FNDC1: variants seen among roughly 807,000 people sequenced by gnomAD.
FNDC1 encodes the protein fibronectin type III domain-containing protein 1.
Under a neutral mutation model 168.0 loss-of-function variants are expected in FNDC1, and 96 were observed. That is an observed-to-expected ratio of 0.57 (90% CI 0.48 to 0.68). The LOEUF (loss-of-function observed/expected upper bound fraction) is 0.68. FNDC1 is among the 30% of genes least tolerant of loss of function. FNDC1 has a pLI of 0.00. For synonymous variants in FNDC1, 1,099 were observed against 1,025.9 expected (o/e 1.07, Z -1.36); for missense variants, 2,587 against 2,482.1 (o/e 1.04, Z -0.90).
intron 5 of FNDC1, among the ~76,000 whole-genome samples, chr6:159,219,598 G>A (rs1441474765): frequency 1.3e-5 from 2 of 152,182 alleles, no homozygotes; most frequent in Non-Finnish European, 2.9e-5. Flanking sequence ...GAGACTCAAT[G>A]AAGATGCGCG....
chr6:159,186,426 G>T (rs1782000946), intron 1 of FNDC1, among the ~76,000 whole-genome samples: 2 of 152,178 alleles, frequency 1.3e-5, no homozygotes, highest in Non-Finnish European at 2.9e-5. Flanking sequence ...GGCTTAGTTT[G>T]CCCTCATCGT....
chr6:159,182,566 C>A (rs985584172), intron 1 of FNDC1, among the ~76,000 whole-genome samples: 12 of 152,200 alleles, frequency 7.9e-5, no homozygotes, highest in African/African-American at 2.9e-4. Context: ...GTTAGTGGCA[C>A]TCAGCTGATA....
intron 1 of FNDC1, among the ~76,000 whole-genome samples, chr6:159,191,058 A>G (rs974004628): frequency 1.3e-5 from 2 of 152,228 alleles, no homozygotes; most frequent in African/African-American, 4.8e-5. Flanking sequence ...GGAAGCAAGA[A>G]CGTCTACGAT....
Position 159,185,426 on chromosome 6 carries a change from G to A in FNDC1, c.110-12005G>A, listed in dbSNP as rs1430409160. Among the ~76,000 whole-genome samples, 3 of 152,140 alleles carry A rather than the reference G, an allele frequency of 2.0e-5. No individual in the cohort carries two copies. In the East Asian group the frequency reaches 5.8e-4, roughly 29 times the overall value. On this transcript the variant is annotated intron_variant, in intron 1 of 22. Coordinates refer to ENST00000297267, the MANE Select transcript of FNDC1 (RefSeq NM_032532.3). The stretch of plus-strand genomic sequence containing the variant: ...AGTGATGTTAGGTAGCAGTGGGTTG[G>A]GCTGCAGACAACATGATATCTGATT...
At chr6:159,249,679 T>G (rs1447775542) in intron 16 of FNDC1, among the ~76,000 whole-genome samples, 2 of 152,250 alleles carry the variant, frequency 1.3e-5, no homozygotes, top group Non-Finnish European at 2.9e-5. Context: ...GATCTAGAAA[T>G]TCATTTTACT....
In FNDC1 at chr6:159,267,943, C is replaced by T; in HGVS notation, c.5569+17C>T. 1 of 1,601,184 alleles carries T rather than the reference C, an allele frequency of 6.2e-7. No homozygotes were observed. Among genetic ancestry groups the T allele is most frequent in the Non-Finnish European group, 8.5e-7 (1 of 1,173,196 alleles). ...CTATTCAAGGTAATACAAACAAATG[C>T]CTGATATATTATCCTAGGAGGTGGG... On this transcript the variant is annotated intron_variant, in intron 22 of 22. Transcript: ENST00000297267.
At position 159,233,407 on chromosome 6, in the gene FNDC1, C is replaced by T. The variant is rs1783150445; in HGVS notation, c.2895C>T (p.Pro965=). Residue 965 remains proline, a synonymous_variant, in exon 11 of 23, where the codon CCC becomes CCT. Transcript: ENST00000297267. The surrounding 1 kb of genome is among the most constrained non-coding windows in gnomAD (Gnocchi z 4.6). The part of the protein sequence containing the change: ...STDADTEGHS[P]KAQPGSTDRH... Reference sequence around the variant, plus strand: ...ACGCGGACACGGAGGGTCATTCTCCCAAAGCACAGCCAGGGTCCACAGACC... The same window carrying T: ...ACGCGGACACGGAGGGTCATTCTCCTAAAGCACAGCCAGGGTCCACAGACC... The T allele has an allele frequency of 1.9e-6, 3 of 1,612,856 alleles. No homozygotes were observed. In the African/African-American group the frequency reaches 4.0e-5, roughly 22 times the overall value.
At chr6:159,228,028 A>G (rs894146100) in intron 9 of FNDC1, among the ~76,000 whole-genome samples, 12 of 124,022 alleles carry the variant, frequency 9.7e-5, no homozygotes, top group Non-Finnish European at 1.5e-4. Flanking sequence ...TGAAAATTGA[A>G]TAAAGACTTT....
Position 159,234,394 on chromosome 6 carries a change from G to A in FNDC1, c.3882G>A (p.Pro1294=), listed in dbSNP as rs1783199595. ...CACCTGGCCACTTCTCCACCACCCC[G>A]ATGCTGTCCTTGCGCCAGAGGATGA... The part of the protein sequence containing the change: ...RAPPGHFSTT[P]MLSLRQRMMH... The change falls in exon 11 of 23, where the codon CCG becomes CCA. Residue 1294 remains proline (P), a synonymous_variant. Coordinates refer to ENST00000297267, the MANE Select transcript of FNDC1 (RefSeq NM_032532.3). 1.2e-6 allele frequency: 2 copies of A among 1,613,388 alleles called. No individual in the cohort carries two copies. The highest frequency in any genetic ancestry group is 3.3e-5 in the Admixed American group (2 of 59,984).
intron 17 of FNDC1, 25 bp downstream of exon 17, chr6:159,251,557 T>A (rs372532283): frequency 6.3e-7 from 1 of 1,593,288 alleles, no homozygotes; most frequent in African/African-American, 1.3e-5. Flanking sequence ...GAAATCAGAG[T>A]TCCCATGATC....
At position 159,232,523 on chromosome 6, in the gene FNDC1, T is replaced by TC; in HGVS notation, c.2016dup (p.Ser673GlnfsTer76). On this transcript the variant is annotated frameshift_variant, in exon 11 of 23. Coordinates refer to ENST00000297267, the MANE Select transcript of FNDC1 (RefSeq NM_032532.3). LOFTEE classifies it high-confidence loss of function. This position sits in a 1 kb window ranked among gnomAD's most constrained non-coding sequence, Gnocchi z 4.9. ...CTTCGCCCAGCCCCGGCCAGCCCTGTCCCCCAGCCGCCAGTCCCCGTCCAG... is the reference window on the plus strand; with the variant it reads ...CTTCGCCCAGCCCCGGCCAGCCCTGTCCCCCCAGCCGCCAGTCCCCGTCCAG... 1 of 1,611,064 alleles carries TC rather than the reference T, an allele frequency of 6.2e-7. No individual in the cohort carries two copies.
intron 7 of FNDC1, 32 bp from the exon 8 acceptor site, chr6:159,225,503 T>C: frequency 6.4e-7 from 1 of 1,552,564 alleles, no homozygotes; most frequent in Non-Finnish European, 8.8e-7. Flanking sequence ...GCAGAGAATT[T>C]GGACAGATCA....
intron 14 of FNDC1, among the ~76,000 whole-genome samples, chr6:159,244,507 C>G (rs983009527): frequency 6.6e-6 from 1 of 152,230 alleles, no homozygotes; most frequent in African/African-American, 2.4e-5. Context: ...GCTGGACAGA[C>G]TACTCGAGGT....
intron 4 of FNDC1, among the ~76,000 whole-genome samples, chr6:159,213,300 A>G (rs1206431894): frequency 6.6e-6 from 1 of 152,218 alleles, no homozygotes; most frequent in Non-Finnish European, 1.5e-5. Context: ...CAGACACTGC[A>G]GGCAACAAGC....
chr6:159,250,864 A>G (rs1164929686), intron 16 of FNDC1, among the ~76,000 whole-genome samples: 1 of 152,214 alleles, frequency 6.6e-6, no homozygotes, highest in East Asian at 1.9e-4. Flanking sequence ...TAAAGGCTGC[A>G]TATCTTGATC....
intron 2 of FNDC1, among the ~76,000 whole-genome samples, chr6:159,199,133 A>G (rs1476556732): frequency 3.9e-5 from 6 of 152,346 alleles, no homozygotes; most frequent in African/African-American, 1.4e-4. Context: ...ATACCCACAG[A>G]CTTTCGTCTC....
Position 159,177,026 on chromosome 6 carries a change from G to A in FNDC1, c.109+7321G>A, listed in dbSNP as rs976495696. 9.9e-5 allele frequency among the ~76,000 whole-genome samples: 15 copies of A among 152,230 alleles called. 1 individual carries two copies. The South Asian group carries it at 1.9e-3, about 19-fold the overall frequency. On this transcript the variant is annotated intron_variant, in intron 1 of 22. Coordinates refer to ENST00000297267, the MANE Select transcript of FNDC1 (RefSeq NM_032532.3). ...GGCTCCAGGGTAGCATAAGTCTCAT[G>A]TATTTACATGTGGGCAGTCTGGTAG... is the stretch of plus-strand genomic sequence containing the variant.
intron 17 of FNDC1, among the ~76,000 whole-genome samples, 194 bp downstream of exon 17, chr6:159,251,726 A>T (rs1471370501): frequency 6.6e-6 from 1 of 152,216 alleles, no homozygotes; most frequent in Admixed American, 6.5e-5. Flanking sequence ...CTCATGGGGT[A>T]GGGTAAGGAC....
rs182580680 is a variant in FNDC1 at position 159,219,575 on chromosome 6, G to A, written c.668-2023G>A. 3.2e-4 allele frequency among the ~76,000 whole-genome samples: 48 copies of A among 152,310 alleles called. No individual in the cohort carries two copies. The East Asian group carries it at 9.1e-3, about 29-fold the overall frequency. On this transcript the variant is annotated intron_variant, in intron 5 of 22. Transcript: ENST00000297267. ...TGAAGACAACAACAGTAGCTTCTGC[G>A]CGGGGCTTTGTTGAGACTCAATGAA...
Sources: allele counts gnomAD v4.1 joint callset (sites outside exome capture counted in the v4.1 genomes callset), GRCh38; gene constraint gnomAD v4.1.1; non-coding constraint Gnocchi (gnomAD v3.1); transcripts MANE v1.5; gene names NCBI Gene and HGNC (gene_info 2026-07-23, HGNC 2026-07-21).